Variants in CELF2 observed in about 807,000 individuals in gnomAD.
The protein encoded by CELF2 is CUGBP Elav-like family member 2, also known as CUG triplet repeat RNA-binding protein 2.
CELF2 carries 8 observed loss-of-function variants against 62.6 expected under a neutral mutation model. That is an observed-to-expected ratio of 0.13 (90% CI 0.07 to 0.23). The LOEUF (loss-of-function observed/expected upper bound fraction) is 0.23. Among genes scored for constraint, CELF2 ranks in the 10% least tolerant of loss-of-function variants. The pLI is 1.00. For synonymous variants in CELF2, 258 were observed against 250.0 expected (o/e 1.03, Z -0.30); for missense variants, 333 against 671.0 (o/e 0.50, Z 5.56).
intron 1 of CELF2, among the ~76,000 whole-genome samples, chr10:11,050,258 T>C (rs568119735): frequency 6.6e-6 from 1 of 152,354 alleles, no homozygotes; most frequent in African/African-American, 2.4e-5. Context: ...CAGAGAGAAG[T>C]CCAGTGTAAT....
chr10:10,782,620 C>G, the CELF2 span, among the ~76,000 whole-genome samples: 35 of 152,316 alleles, frequency 2.3e-4, no homozygotes, highest in South Asian at 6.4e-3. Context: ...GTCCTTCCCC[C>G]CTTGCCAGTA....
At chr10:11,063,167 T>C (rs2067230749) in intron 1 of CELF2, among the ~76,000 whole-genome samples, 1 of 152,202 alleles carries the variant, frequency 6.6e-6, no homozygotes, top group Admixed American at 6.5e-5. Context: ...AACCAAAAAA[T>C]TCATGTGACT....
Position 10,928,379 on chromosome 10 carries a change from T to C in CELF2, c.89+8380T>C, listed in dbSNP as rs933061842. Among the ~76,000 whole-genome samples, 1 of 152,182 alleles carries C rather than the reference T, an allele frequency of 6.6e-6. No homozygotes were observed. The highest frequency in any genetic ancestry group is 1.5e-5 in the Non-Finnish European group (1 of 68,040). ...CTTCCTTCTATTTGAAAGCCCAGTG[T>C]CATCTCTCTGCTCTTTTTCTCCCCT... On this transcript the variant is annotated intron_variant, in intron 2 of 13. Coordinates refer to the CELF2 transcript ENST00000636488. This position sits in a 1 kb window ranked among gnomAD's most constrained non-coding sequence, Gnocchi z 4.8.
the CELF2 span, among the ~76,000 whole-genome samples, chr10:10,492,047 A>G: frequency 6.6e-6 from 1 of 151,470 alleles, no homozygotes; most frequent in African/African-American, 2.4e-5. Flanking sequence ...ATCCCTTCCC[A>G]GTTAACTCAG....
intron 5 of CELF2, among the ~76,000 whole-genome samples, chr10:11,258,873 A>G (rs2079596030): frequency 6.6e-6 from 1 of 152,128 alleles, no homozygotes; most frequent in Non-Finnish European, 1.5e-5. Context: ...TTTAGTAGAC[A>G]TGGGGTTTCA....
the CELF2 span, among the ~76,000 whole-genome samples, chr10:10,595,213 T>G: frequency 2.0e-5 from 3 of 152,212 alleles, no homozygotes; most frequent in African/African-American, 7.2e-5. Flanking sequence ...TTTCAGGACA[T>G]GCACAAGCCT....
intron 2 of CELF2, chr10:11,168,833 C>T (rs2133507362): frequency 6.6e-6 from 1 of 152,278 alleles, no homozygotes; most frequent in East Asian, 1.9e-4. Flanking sequence ...CCTGAGATAC[C>T]TATATTCTCA....
chr10:10,964,319 T>C (rs2049882936), intron 2 of CELF2, among the ~76,000 whole-genome samples: 1 of 152,130 alleles, frequency 6.6e-6, no homozygotes, highest in African/African-American at 2.4e-5. Flanking sequence ...ACTCAAGAAA[T>C]TGAAGCTATT....
chr10:11,078,814 A>G (rs2762549), intron 1 of CELF2, among the ~76,000 whole-genome samples: 9,802 of 152,270 alleles, frequency 0.064, 548 homozygotes, highest in African/African-American at 0.16. Context: ...TTGGCTGTCC[A>G]GTGGTTGCTG....
intron 2 of CELF2, among the ~76,000 whole-genome samples, chr10:10,978,034 G>GTTTTTTTTTTTTTTTTTTTTTTTTTT (rs527485788): frequency 8.2e-6 from 1 of 121,788 alleles, no homozygotes. Flanking sequence ...GTTTTTTTTT[G>GTTTTTTTTTTTTTTTTTTTTTTTTTT]TTTTTTGTTT....
rs1010111996 is a variant in CELF2, at chr10:11,227,589, G to T, written c.354+10082G>T. Among the ~76,000 whole-genome samples, 1 of 152,224 alleles carries T rather than the reference G, an allele frequency of 6.6e-6. No individual in the cohort carries two copies. Among genetic ancestry groups the T allele is most frequent in the African/African-American group, 2.4e-5 (1 of 41,460 alleles). On this transcript the variant is annotated intron_variant, in intron 3 of 12. Coordinates refer to ENST00000633077, the MANE Select transcript of CELF2 (RefSeq NM_001326342.2). The surrounding 1 kb of genome is among the most constrained non-coding windows in gnomAD (Gnocchi z 4.8). Reference sequence around the variant, plus strand: ...GTTGGCTCTGTCTAGCCATCACATTGTGGTTTTTGCTGTTATCTGCTGTTA... The same window carrying T: ...GTTGGCTCTGTCTAGCCATCACATTTTGGTTTTTGCTGTTATCTGCTGTTA...
rs2137027262 is a variant in CELF2 at position 11,243,744 on chromosome 10, GAAGATTTTTTTAGA to G, written c.355-5408_355-5395del. Among the ~76,000 whole-genome samples the G allele has an allele frequency of 6.6e-6, 1 of 152,332 alleles. No individual in the cohort carries two copies. Among genetic ancestry groups the G allele is most frequent in the Non-Finnish European group, 1.5e-5 (1 of 68,030 alleles). ...ACAGATCATGACAGCACAGACCACT[GAAGATTTTTTTAGA>G]TACAGCCCATACTGTGTCTGAAAAA... On this transcript the variant is annotated intron_variant, in intron 3 of 12. Transcript: ENST00000633077. The surrounding 1 kb of genome is among the most constrained non-coding windows in gnomAD (Gnocchi z 4.1).
rs1234328586 is a variant in CELF2 at position 11,247,213 on chromosome 10, C to T, written c.355-1940C>T. On this transcript the variant is annotated intron_variant, in intron 3 of 12. Coordinates refer to ENST00000633077, the MANE Select transcript of CELF2 (RefSeq NM_001326342.2). The surrounding 1 kb of genome is among the most constrained non-coding windows in gnomAD (Gnocchi z 5.4). The stretch of plus-strand genomic sequence containing the variant: ...TACTTCTTCTGTACCTGACCACATA[C>T]TTTCAGACAAAATTTCAGTTCCTTA... Among the ~76,000 whole-genome samples, 1 of 152,232 alleles carries T rather than the reference C, an allele frequency of 6.6e-6. No individual in the cohort carries two copies. Among genetic ancestry groups the T allele is most frequent in the Non-Finnish European group, 1.5e-5 (1 of 68,038 alleles).
At chr10:10,992,371 A>G (rs2053530680) in intron 2 of CELF2, among the ~76,000 whole-genome samples, 1 of 152,160 alleles carries the variant, frequency 6.6e-6, no homozygotes, top group Non-Finnish European at 1.5e-5. Context: ...TCAGAGAAAA[A>G]CCCAAACACA....
intron 2 of CELF2, among the ~76,000 whole-genome samples, chr10:10,988,760 G>A (rs1400266191): frequency 1.3e-5 from 2 of 152,094 alleles, no homozygotes; most frequent in African/African-American, 4.8e-5. Flanking sequence ...TTTAATGAAA[G>A]ACAGCTATCT....
chr10:11,236,153 G>T (rs1267727457), intron 3 of CELF2, among the ~76,000 whole-genome samples: 1 of 152,230 alleles, frequency 6.6e-6, no homozygotes, highest in Non-Finnish European at 1.5e-5. Context: ...TAAGCTATGG[G>T]AGGATCATTA....
chr10:10,517,546 C>A, the CELF2 span, among the ~76,000 whole-genome samples: 8 of 152,154 alleles, frequency 5.3e-5, no homozygotes, highest in Non-Finnish European at 1.0e-4. Flanking sequence ...CAGGCCAATA[C>A]TCAGGGCCCA....
At chr10:10,681,076 A>G in the CELF2 span, among the ~76,000 whole-genome samples, 2 of 152,208 alleles carry the variant, frequency 1.3e-5, no homozygotes, top group African/African-American at 4.8e-5. Context: ...TGATCTAGAT[A>G]TTCTTATCAA....
chr10:10,556,075 A>AC, the CELF2 span, among the ~76,000 whole-genome samples: 2 of 152,146 alleles, frequency 1.3e-5, no homozygotes, highest in Non-Finnish European at 2.9e-5. Context: ...GTACATGTGC[A>AC]CATTGTGCAG....
Sources: allele counts gnomAD v4.1 joint callset (sites outside exome capture counted in the v4.1 genomes callset), GRCh38; gene constraint gnomAD v4.1.1; non-coding constraint Gnocchi (gnomAD v3.1); transcripts MANE v1.5; gene names NCBI Gene and HGNC (gene_info 2026-07-23, HGNC 2026-07-21).